The following KNTC1 variants were observed in gnomAD, a reference collection of about 807,000 sequenced individuals.
The protein encoded by KNTC1 is kinetochore associated 1.
KNTC1 carries 253 observed loss-of-function variants against 314.4 expected under a neutral mutation model. That is an observed-to-expected ratio of 0.80 (90% CI 0.73 to 0.89). The LOEUF is 0.89. Ranked by LOEUF, KNTC1 falls within the 40% of genes least tolerant of loss-of-function variation. The probability of loss-of-function intolerance (pLI) is 0.00; values close to 1 mark genes in which losing one functional copy is unlikely to be tolerated. For synonymous variants in KNTC1, 901 were observed against 901.4 expected, an observed-to-expected ratio of 1.00 and a Z score of 0.01; for missense variants, 2,475 against 2,572.9, an observed-to-expected ratio of 0.96 and a Z score of 0.82.
chr12:122,596,631 A>G (rs903399554), intron 43 of KNTC1, among the ~76,000 whole-genome samples: 1 of 151,970 alleles, frequency 6.6e-6, no homozygotes, highest in East Asian at 1.9e-4. Flanking sequence ...GCTTGAGGCC[A>G]GGAGTTGGAG....
In KNTC1 at chr12:122,582,888, G is replaced by T. The variant is rs374767073; in HGVS notation, c.3166G>T (p.Ala1056Ser). 7 of 1,612,914 alleles carry T rather than the reference G, an allele frequency of 4.3e-6. No individual in the cohort carries two copies. Among genetic ancestry groups the T allele is most frequent in the Non-Finnish European group, 5.9e-6 (7 of 1,179,474 alleles). ...PSMESKLHRQ[A>S]LALQMSKQEL... Reference sequence around the variant, plus strand: ...CATGGAATCAAAGCTGCACAGACAGGCACTGGCCCTGCAGATGTCCAAACA... The same window carrying T: ...CATGGAATCAAAGCTGCACAGACAGTCACTGGCCCTGCAGATGTCCAAACA... The change falls in exon 34 of 64, where the codon GCA becomes TCA. Residue 1056 changes from alanine (A) to serine (S), a missense_variant. Physicochemically the swap from Ala to Ser is moderately conservative, Grantham distance 99. Transcript: ENST00000333479.
chr12:122,580,551 G>A, intron 32 of KNTC1, 52 bp from the exon 33 acceptor site: 1 of 1,114,706 alleles, frequency 9.0e-7, no homozygotes, highest in Non-Finnish European at 1.3e-6. Context: ...TTAAAATTCT[G>A]ATAATATGAG....
In KNTC1 at chr12:122,584,967, G is replaced by T. The variant is rs374132869; in HGVS notation, c.3511G>T (p.Asp1171Tyr). 5.0e-6 allele frequency: 8 copies of T among 1,599,748 alleles called. No individual in the cohort carries two copies. Among genetic ancestry groups the T allele is most frequent in the African/African-American group, 1.3e-5 (1 of 74,590 alleles). ...AVELSRQCQMDDCGILMKASF... is the reference protein window; with the variant it reads ...AVELSRQCQMYDCGILMKASF... ...AGAGCTTTCCAGACAATGCCAAATG[G>T]ATGACTGTGGAATCCTCATGAAAGT... The change falls in exon 36 of 64, where the codon GAT (aspartate) becomes TAT (tyrosine). Residue 1171 changes from aspartate (D) to tyrosine (Y), a missense_variant. Transcript: ENST00000333479.
Position 122,626,188 on chromosome 12 carries a change from T to A in KNTC1, c.6607-17T>A, listed in dbSNP as rs1194243487. 1 of 1,558,868 alleles carries A rather than the reference T, an allele frequency of 6.4e-7. No homozygotes were observed. Among genetic ancestry groups the A allele is most frequent in the South Asian group, 1.1e-5 (1 of 87,458 alleles). ...AAGTGACTTATAAAAATCACTTCTG[T>A]GTTTCTTCCCATTTAGATGTTTCTT... On this transcript the variant is annotated splice_polypyrimidine_tract_variant and intron_variant, in intron 63 of 63. Transcript: ENST00000333479.
intron 16 of KNTC1, among the ~76,000 whole-genome samples, chr12:122,555,644 T>C (rs530314023): frequency 6.6e-6 from 1 of 152,146 alleles, no homozygotes; most frequent in African/African-American, 2.4e-5. Flanking sequence ...GGTCAGGAGA[T>C]CGAGACCATC....
At chr12:122,538,572 G>T in intron 4 of KNTC1, 118 bp downstream of exon 4, 1 of 605,558 alleles carries the variant, frequency 1.7e-6, no homozygotes, top group African/African-American at 1.9e-5. Flanking sequence ...ATGTTTTTTT[G>T]AACAATTAAG....
chr12:122,542,255 G>T (rs1962399751), intron 6 of KNTC1, 128 bp downstream of exon 6: 1 of 613,458 alleles, frequency 1.6e-6, no homozygotes, highest in South Asian at 2.4e-5. Context: ...TTATAATTGG[G>T]TATACTGTTA....
intron 3 of KNTC1, among the ~76,000 whole-genome samples, chr12:122,536,793 C>T (rs527808993): frequency 6.6e-6 from 1 of 152,188 alleles, no homozygotes; most frequent in South Asian, 2.1e-4. Context: ...GCTGGGATTA[C>T]AGGCGTGAGC....
intron 4 of KNTC1, 124 bp from the exon 5 acceptor site, chr12:122,539,552 G>A (rs1849444163): frequency 3.1e-6 from 2 of 635,596 alleles, no homozygotes; most frequent in Non-Finnish European, 5.2e-6. Flanking sequence ...TTAAAAGTAA[G>A]ATGTTTAGAA....
intron 26 of KNTC1, 88 bp downstream of exon 26, chr12:122,573,373 A>G: frequency 8.3e-7 from 1 of 1,204,162 alleles, no homozygotes; most frequent in East Asian, 2.3e-5. Flanking sequence ...GGAATGTCAT[A>G]TGCTTTCTCA....
intron 16 of KNTC1, among the ~76,000 whole-genome samples, chr12:122,555,371 G>A (rs1462558318): frequency 6.6e-6 from 1 of 152,098 alleles, no homozygotes; most frequent in East Asian, 1.9e-4. Context: ...GGCCCACATA[G>A]CAAAACGCTG....
Position 122,602,653 on chromosome 12 carries a change from G to A in KNTC1, c.4738G>A (p.Val1580Ile), listed in dbSNP as rs1479427306. The change falls in exon 46 of 64, where the codon GTC (valine) becomes ATC (isoleucine). Residue 1580 changes from valine to isoleucine, a missense_variant. Transcript: ENST00000333479. Reference sequence around the variant, plus strand: ...AGAATATCAGTATATGTTGGAACATGTCATAACTTTGCCATCAGCTGCCCA... The same window carrying A: ...AGAATATCAGTATATGTTGGAACATATCATAACTTTGCCATCAGCTGCCCA... ...DLEYQYMLEH[V>I]ITLPSAAQTR... 2.5e-6 allele frequency: 4 copies of A among 1,612,800 alleles called. No homozygotes were observed. Among genetic ancestry groups the A allele is most frequent in the Non-Finnish European group, 3.4e-6 (4 of 1,178,926 alleles).
At chr12:122,562,014 A>G (rs1964009089) in intron 19 of KNTC1, 40 bp downstream of exon 19, 2 of 1,554,582 alleles carry the variant, frequency 1.3e-6, no homozygotes, top group South Asian at 1.2e-5. Flanking sequence ...GTGGGTGAAT[A>G]TACCTTTATA....
chr12:122,585,524 CCTT>C, intron 36 of KNTC1, 109 bp from the exon 37 acceptor site: 2 of 1,197,556 alleles, frequency 1.7e-6, no homozygotes, highest in Non-Finnish European at 2.4e-6. Flanking sequence ...TCGACATTGT[CCTT>C]CTGTTAGAGT....
Position 122,545,390 on chromosome 12 carries a change from C to T in KNTC1, c.670-786C>T, listed in dbSNP as rs1406885722. ...ATCACCCCACTTCACTGCGGCCTGG[C>T]AACACAGTGAGATCCTGTCTCTAAA... is the stretch of plus-strand genomic sequence containing the variant. On this transcript the variant is annotated intron_variant, in intron 8 of 63. Coordinates refer to ENST00000333479, the MANE Select transcript of KNTC1 (RefSeq NM_014708.6). Among the ~76,000 whole-genome samples the T allele has an allele frequency of 3.3e-5, 5 of 151,706 alleles. No individual in the cohort carries two copies. In the South Asian group the frequency reaches 6.2e-4, roughly 19 times the overall value.
chr12:122,620,220 C>A, intron 59 of KNTC1: 1 of 207,866 alleles, frequency 4.8e-6, no homozygotes, highest in Non-Finnish European at 9.6e-6. Flanking sequence ...AGAAGCCTAT[C>A]TTTAGGCATC....
At position 122,547,517 on chromosome 12, in the gene KNTC1, T is replaced by C; in HGVS notation, c.919T>C (p.Ser307Pro). 4 of 1,600,978 alleles carry C rather than the reference T, an allele frequency of 2.5e-6. No homozygotes were observed. Among genetic ancestry groups the C allele is most frequent in the Non-Finnish European group, 3.4e-6 (4 of 1,168,824 alleles). Residue 307 changes from serine (S) to proline (P), a missense_variant, in exon 11 of 64, where the codon TCA (serine) becomes CCA (proline). Transcript: ENST00000333479. Reference sequence around the variant, plus strand: ...TCTTACTACAGAAGCAGACTCTCCTTCATCAGTCACGTGGTATGTTATGAC... The same window carrying C: ...TCTTACTACAGAAGCAGACTCTCCTCCATCAGTCACGTGGTATGTTATGAC... ...FLLTTEADSPSSVTWQGITNL... is the reference protein window; with the variant it reads ...FLLTTEADSPPSVTWQGITNL...
chr12:122,548,060 A>T, intron 12 of KNTC1, 91 bp downstream of exon 12: 1 of 679,630 alleles, frequency 1.5e-6, no homozygotes, highest in Non-Finnish European at 2.4e-6. Flanking sequence ...AGTACAGCAT[A>T]TTAGCTCTTA....
rs201402164 is a variant in KNTC1 at position 122,577,706 on chromosome 12, C to T, written c.2756C>T (p.Pro919Leu). ...EDCLLLLKSL[P>L]PAEAEKTAER... ...TGTCTCCTTCTGTTGAAGTCTTTGC[C>T]TCCTGCTGAAGCTGAGAAAACTGCA... The change falls in exon 31 of 64, where the codon CCT becomes CTT. Residue 919 changes from proline to leucine, a missense_variant. Transcript: ENST00000333479. The T allele has an allele frequency of 8.7e-6, 14 of 1,613,622 alleles. No individual in the cohort carries two copies. In the Admixed American group the frequency reaches 1.8e-4, roughly 21 times the overall value.
Sources: gnomAD v4.1 joint callset for allele counts (sites outside exome capture counted in the v4.1 genomes callset) on GRCh38, gnomAD v4.1.1 for gene constraint, MANE v1.5 for transcripts, NCBI Gene and HGNC (gene_info 2026-07-23, HGNC 2026-07-21) for gene names.